Variants in TMEM175 observed in about 807,000 individuals in gnomAD.
TMEM175 encodes the protein transmembrane protein 175.
TMEM175 carries 36 observed loss-of-function variants against 36.5 expected under a neutral mutation model. That is an observed-to-expected ratio of 0.99 (90% CI 0.76 to 1.30). The LOEUF (loss-of-function observed/expected upper bound fraction) is 1.30, where lower values mean the gene tolerates loss of function less well. Ranked by LOEUF, TMEM175 falls within the 50% of genes most tolerant of loss-of-function variation. The probability of loss-of-function intolerance (pLI) is 0.00; values close to 1 mark genes in which losing one functional copy is unlikely to be tolerated. For missense variants in TMEM175, 705 were observed against 692.8 expected (o/e 1.02, Z -0.20); for synonymous variants, 339 against 313.4 (o/e 1.08, Z -0.86).
Position 951,256 on chromosome 4 carries a change from C to G in TMEM175, c.340C>G (p.Leu114Val). Residue 114 changes from leucine to valine, a missense_variant and splice_region_variant, in exon 5 of 11, where the codon CTG (leucine) becomes GTG (valine). By Grantham distance (32) the Leu-to-Val change is conservative (BLOSUM62 1). Transcript: ENST00000264771. ...AGACGACACACTTGCCCTGCTCAACCTGGTGAGTATTTTCCGGTCCTTTTC... is the reference window on the plus strand; with the variant it reads ...AGACGACACACTTGCCCTGCTCAACGTGGTGAGTATTTTCCGGTCCTTTTC... Reference protein sequence around the residue: ...KTDDTLALLNLACMMTITFLP... With the variant: ...KTDDTLALLNVACMMTITFLP... The G allele has an allele frequency of 6.2e-7, 1 of 1,614,080 alleles. No individual in the cohort carries two copies. The highest frequency in any genetic ancestry group is 1.1e-5 in the South Asian group (1 of 91,082).
At chr4:944,817 C>G (rs1473929723) in intron 1 of TMEM175, among the ~76,000 whole-genome samples, 1 of 152,082 alleles carries the variant, frequency 6.6e-6, no homozygotes, top group African/African-American at 2.4e-5. Context: ...TAAAACACAC[C>G]GGGCTGGCTG....
chr4:953,100 C>T (rs1560494055), intron 7 of TMEM175, 90 bp from the exon 8 acceptor site: 7 of 1,370,690 alleles, frequency 5.1e-6, no homozygotes, highest in South Asian at 4.2e-5. Context: ...GAGACCCTTG[C>T]GTGCGTGTGC....
chr4:944,869 G>T (rs1399034497), intron 1 of TMEM175, among the ~76,000 whole-genome samples: 5 of 152,144 alleles, frequency 3.3e-5, no homozygotes, highest in African/African-American at 1.2e-4. Flanking sequence ...GGGAGGCTGA[G>T]GCAAGGAGAT....
At chr4:941,376 CA>C (rs567941043) in intron 1 of TMEM175, among the ~76,000 whole-genome samples, 18,406 of 104,548 alleles carry the variant, frequency 0.18, 1,198 homozygotes, top group African/African-American at 0.3. Flanking sequence ...AACTCTGTCT[CA>C]AAAAAAAAAA....
At chr4:955,732 C>G in intron 9 of TMEM175, 23 bp from the exon 10 acceptor site, 1 of 1,608,342 alleles carries the variant, frequency 6.2e-7, no homozygotes. Context: ...TTGGCCAGCT[C>G]CACCCTCCTG....
intron 1 of TMEM175, among the ~76,000 whole-genome samples, chr4:945,848 C>G (rs886762148): frequency 1.3e-5 from 2 of 152,164 alleles, no homozygotes; most frequent in Admixed American, 6.5e-5. Context: ...GTCCTGCCCC[C>G]GGCTGCTCCT....
chr4:948,608 G>A (rs1728489245), intron 3 of TMEM175: 1 of 1,294,006 alleles, frequency 7.7e-7, no homozygotes, highest in East Asian at 5.3e-5. Flanking sequence ...GCTCCTGCAG[G>A]CCTGGAGGTG....
At chr4:948,457 GA>G in intron 3 of TMEM175, 1 of 1,480,990 alleles carries the variant, frequency 6.8e-7, no homozygotes, top group Non-Finnish European at 9.0e-7. Context: ...CAGGTTGGAA[GA>G]GGAAGGTTCC....
chr4:956,806 T>A, intron 10 of TMEM175: 1 of 299,266 alleles, frequency 3.3e-6, no homozygotes, highest in Admixed American at 5.1e-5. Flanking sequence ...TGTTCCCTCG[T>A]CATAGTTCAG....
Position 932,718 on chromosome 4 carries a change from G to T in TMEM175, c.-32+178G>T, listed in dbSNP as rs553575032. On this transcript the variant is annotated intron_variant, in intron 1 of 10. Transcript: ENST00000264771. This position sits in a 1 kb window ranked among gnomAD's most constrained non-coding sequence, Gnocchi z 4.0. ...GGTTCGCGAATTTTTCTCTCAGTTG[G>T]CTAAGGAGCAAGGAGTTAGCGTGCG... 1.3e-5 allele frequency among the ~76,000 whole-genome samples: 2 copies of T among 152,240 alleles called. No homozygotes were observed. The highest frequency in any genetic ancestry group is 2.1e-4 in the South Asian group (1 of 4,834).
chr4:955,762 G>A lies in TMEM175; in HGVS notation c.714G>A (p.Arg238=), dbSNP rs1279245905. ...CTCCTGGCGTGTCCCCAGGCCACAG[G>A]GAGCCCTCGGCTCACCCAGTGGAAG... ...GWCRDRLLGH[R]EPSAHPVEVF... is the part of the protein sequence containing the mutation. The change falls in exon 10 of 11, where the codon AGG becomes AGA. Residue 238 remains arginine, a synonymous_variant. Transcript: ENST00000264771. The A allele has an allele frequency of 6.2e-7, 1 of 1,613,390 alleles. No homozygotes were observed. Among genetic ancestry groups the A allele is most frequent in the Non-Finnish European group, 8.5e-7 (1 of 1,179,856 alleles).
At chr4:947,070 G>A (rs1016200161) in intron 1 of TMEM175, among the ~76,000 whole-genome samples, 22 of 144,446 alleles carry the variant, frequency 1.5e-4, no homozygotes, top group Admixed American at 5.5e-4. Flanking sequence ...GAGGGAGAGC[G>A]CGGCCCCTGT....
chr4:952,314 G>C, intron 6 of TMEM175, 53 bp from the exon 7 acceptor site: 1 of 1,538,922 alleles, frequency 6.5e-7, no homozygotes, highest in South Asian at 1.1e-5. Flanking sequence ...CCAGGCTCTG[G>C]GGCCTGGTAA....
intron 1 of TMEM175, among the ~76,000 whole-genome samples, chr4:933,782 C>G (rs1486580416): frequency 1.3e-5 from 2 of 152,210 alleles, no homozygotes; most frequent in East Asian, 3.8e-4. Flanking sequence ...AAGCTAACAT[C>G]TGTTATCTTT....
intron 1 of TMEM175, among the ~76,000 whole-genome samples, chr4:940,448 CAAAAAA>C (rs397879918): frequency 1.1e-5 from 1 of 91,372 alleles, no homozygotes; most frequent in East Asian, 3.3e-4. Context: ...AACTCGATCT[CAAAAAA>C]AAAAAAAAAA....
chr4:942,988 A>G (rs1287431230), intron 1 of TMEM175, among the ~76,000 whole-genome samples: 1 of 152,108 alleles, frequency 6.6e-6, no homozygotes, highest in South Asian at 2.1e-4. Flanking sequence ...GAGTGAAAAG[A>G]CAAGCCACAG....
intron 1 of TMEM175, among the ~76,000 whole-genome samples, chr4:938,352 A>C (rs1035958612): frequency 6.6e-6 from 1 of 152,124 alleles, no homozygotes; most frequent in African/African-American, 2.4e-5. Context: ...AAAAATACAA[A>C]AATTAGCTGG....
At chr4:943,699 C>T (rs189138094) in intron 1 of TMEM175, among the ~76,000 whole-genome samples, 3 of 152,180 alleles carry the variant, frequency 2.0e-5, no homozygotes, top group Admixed American at 6.6e-5. Context: ...CCTTACAATA[C>T]GACCCAGCAA....
rs199536272 is a variant in TMEM175 at position 950,457 on chromosome 4, C to G, written c.229C>G (p.Arg77Gly). Reference sequence around the variant, plus strand: ...AAGTGTACAGAGGCTTCTGGCAACACGGATTGCCGTCTACCTGATGACCTT... The same window carrying G: ...AAGTGTACAGAGGCTTCTGGCAACAGGGATTGCCGTCTACCTGATGACCTT... ...DRSVQRLLAT[R>G]IAVYLMTFLI... Residue 77 changes from arginine (R) to glycine (G), a missense_variant, in exon 4 of 11, where the codon CGG becomes GGG. Transcript: ENST00000264771. 1 of 1,613,982 alleles carries G rather than the reference C, an allele frequency of 6.2e-7. No homozygotes were observed. Among genetic ancestry groups the G allele is most frequent in the African/African-American group, 1.3e-5 (1 of 74,940 alleles).
Sources: allele counts gnomAD v4.1 joint callset (sites outside exome capture counted in the v4.1 genomes callset), GRCh38; gene constraint gnomAD v4.1.1; non-coding constraint Gnocchi (gnomAD v3.1); transcripts MANE v1.5; gene names NCBI Gene and HGNC (gene_info 2026-07-23, HGNC 2026-07-21).